The following LTK variants were observed in gnomAD, a reference collection of about 807,000 sequenced individuals.
The protein encoded by LTK is leukocyte tyrosine kinase receptor.
Under a neutral mutation model 101.5 loss-of-function variants are expected in LTK, and 117 were observed. The ratio of observed to expected loss-of-function variants is 1.15; its 90% confidence interval spans 0.99 to 1.34. The LOEUF (loss-of-function observed/expected upper bound fraction) is 1.34, where lower values mean the gene tolerates loss of function less well. Among genes scored for constraint, LTK ranks in the 40% most tolerant of loss-of-function variants. The pLI, the probability that LTK is intolerant of heterozygous loss-of-function variation, is 0.00. For missense variants in LTK, 1,252 were observed against 1,164.7 expected, an observed-to-expected ratio of 1.07 and a Z score of -1.09; for synonymous variants, 563 against 494.2, an observed-to-expected ratio of 1.14 and a Z score of -1.85.
At position 41,504,757 on chromosome 15, in the gene LTK, G is replaced by GGAAGGGGAGGA; in HGVS notation, c.2120+15_2120+16insTCCTCCCCTTC. Reference sequence around the variant, plus strand: ...GAGGGGAACAGTGGGGAAGGGGAGGGGAAGGGTGTTATCACCAGGAATCTG... The same window carrying GGAAGGGGAGGA: ...GAGGGGAACAGTGGGGAAGGGGAGGGGAAGGGGAGGAGAAGGGTGTTATCACCAGGAATCTG... On this transcript the variant is annotated intron_variant, in intron 17 of 19. Transcript: ENST00000263800. 6.2e-7 allele frequency: 1 copy of GGAAGGGGAGGA among 1,607,484 alleles called. No homozygotes were observed. Among genetic ancestry groups the GGAAGGGGAGGA allele is most frequent in the African/African-American group, 1.3e-5 (1 of 75,016 alleles).
chr15:41,511,207 G>A lies in LTK; in HGVS notation c.954C>T (p.Gly318=), dbSNP rs1406676642. ...CTCCGCCCGCAGTGCAGGCCCCGCC[G>A]CCGCCCCCGAAGCCGCCGGCCGCGG... is the stretch of plus-strand genomic sequence containing the variant. ...GWAAAGGFGG[G]GGACTAGGGG... is the part of the protein sequence containing the mutation. Residue 318 remains glycine (G), a synonymous_variant, in exon 7 of 20, where the codon GGC becomes GGT. Coordinates refer to ENST00000263800, the MANE Select transcript of LTK (RefSeq NM_002344.6). The surrounding 1 kb of genome is among the most constrained non-coding windows in gnomAD (Gnocchi z 5.9). 5 of 1,387,628 alleles carry A rather than the reference G, an allele frequency of 3.6e-6. No homozygotes were observed. The highest frequency in any genetic ancestry group is 3.3e-5 in the Admixed American group (1 of 30,330). The allele number at this position is 1,387,628 out of a possible 1,614,324, so 86.0% of individuals were successfully genotyped here.
At position 41,512,117 on chromosome 15, in the gene LTK, C is replaced by T. The variant is rs2051493823; in HGVS notation, c.508G>A (p.Gly170Arg). The change falls in exon 4 of 20, where the codon GGA becomes AGA. Residue 170 changes from glycine to arginine, a missense_variant and splice_region_variant. Coordinates refer to ENST00000263800, the MANE Select transcript of LTK (RefSeq NM_002344.6). ...VGQQGEDACP[G>R]GSPESQLVCL... ...CCATCCCCACTGGCTGCGCTCACTC[C>T]GGGACAGGCGTCCTCTCCCTGCTGC... The T allele has an allele frequency of 3.1e-6, 5 of 1,606,324 alleles. No homozygotes were observed. The highest frequency in any genetic ancestry group is 1.7e-4 in the Middle Eastern group (1 of 6,022).
Position 41,507,175 on chromosome 15 carries a change from C to G in LTK, c.1461G>C (p.Gln487His). ...IRTAPNPYYC[Q>H]VGLGPAQSWP... is the part of the protein sequence containing the mutation. ...AGGACTGGGCCGGGCCAAGCCCCAC[C>G]TGGCAATAATAGGGATTGGGGGCTG... Residue 487 changes from glutamine to histidine, a missense_variant, in exon 11 of 20, where the codon CAG becomes CAC. Coordinates refer to ENST00000263800, the MANE Select transcript of LTK (RefSeq NM_002344.6). The G allele has an allele frequency of 6.2e-7, 1 of 1,613,772 alleles. No homozygotes were observed. The highest frequency in any genetic ancestry group is 8.5e-7 in the Non-Finnish European group (1 of 1,179,934).
chr15:41,511,173 C>A lies in LTK; in HGVS notation c.988G>T (p.Gly330Cys). ...GACTAGGGGG[G>C]YRGGDASETD... ...CCAACGGTGCACCTACCCCTGTAGC[C>A]GCCGCCGCCTCCGCCCGCAGTGCAG... The change falls in exon 7 of 20, where the codon GGC (glycine) becomes TGC (cysteine). Residue 330 changes from glycine to cysteine, a missense_variant. Gly to Cys is a radical substitution (Grantham distance 159). Coordinates refer to ENST00000263800, the MANE Select transcript of LTK (RefSeq NM_002344.6). This position sits in a 1 kb window ranked among gnomAD's most constrained non-coding sequence, Gnocchi z 5.9. 7.2e-7 allele frequency: 1 copy of A among 1,388,626 alleles called. No homozygotes were observed. 86.0% of individuals were successfully genotyped at this position (1,388,626 alleles called of 1,614,324 possible). A position where few individuals can be genotyped will look rare whatever the true frequency, so the allele number is the denominator to read the frequency against.
chr15:41,507,702 T>C, intron 9 of LTK, 45 bp from the exon 10 acceptor site: 1 of 1,562,680 alleles, frequency 6.4e-7, no homozygotes, highest in Non-Finnish European at 8.7e-7. Context: ...TCTTCTCTGT[T>C]CCTTTACCCT....
Position 41,507,219 on chromosome 15 carries a change from G to T in LTK, c.1417C>A (p.Arg473=), listed in dbSNP as rs770047590. The T allele has an allele frequency of 6.2e-7, 1 of 1,613,554 alleles. No homozygotes were observed. Among genetic ancestry groups the T allele is most frequent in the East Asian group, 2.2e-5 (1 of 44,878 alleles). ...GGGGCTGTCCTGATGGCAGAGGTTC[G>T]AAGCTTGCTCAGCTCAAGCTCAGGG... ...PSPELELSKL[R]TSAIRTAPNP... The change falls in exon 11 of 20, where the codon CGA becomes AGA. Residue 473 remains arginine, a synonymous_variant. Coordinates refer to ENST00000263800, the MANE Select transcript of LTK (RefSeq NM_002344.6).
At chr15:41,506,047 G>A (rs2051270896) in intron 11 of LTK, 42 bp from the exon 12 acceptor site, 3 of 1,388,886 alleles carry the variant, frequency 2.2e-6, no homozygotes, top group South Asian at 1.2e-5. Flanking sequence ...AGGCGGCCTG[G>A]AGAAGAGTCC....
In LTK at chr15:41,509,074, G is replaced by T; in HGVS notation, c.1053C>A (p.Ser351=). ...NLWADGEDGV[S]FIHPSSELFL... ...AGAGCTCGCTGCTGGGGTGTATGAAGGATACTCCATCTTCCCCATCAGCCC... is the reference window on the plus strand; with the variant it reads ...AGAGCTCGCTGCTGGGGTGTATGAATGATACTCCATCTTCCCCATCAGCCC... Residue 351 remains serine (S), a synonymous_variant, in exon 8 of 20, where the codon TCC becomes TCA. Transcript: ENST00000263800. The T allele has an allele frequency of 6.2e-7, 1 of 1,613,876 alleles. No homozygotes were observed. The highest frequency in any genetic ancestry group is 1.1e-5 in the South Asian group (1 of 91,058).
Position 41,511,688 on chromosome 15 carries a change from CCCAGCCCAGG to C in LTK, c.657+119_658-111del, listed in dbSNP as rs750890083. ...CCTGGATAAGGGCAGGGGCCCCCAG[CCCAGCCCAGG>C]CCAGCCCAGCCCAGCGCAGGGATAG... On this transcript the variant is annotated intron_variant, in intron 5 of 19. Transcript: ENST00000263800. This position sits in a 1 kb window ranked among gnomAD's most constrained non-coding sequence, Gnocchi z 5.9. 6.1e-3 allele frequency: 8,591 copies of C among 1,415,904 alleles called. 35 individuals carry two copies. Among genetic ancestry groups the C allele is most frequent in the Non-Finnish European group, 6.7e-3 (7,354 of 1,094,090 alleles). 87.7% of individuals were successfully genotyped at this position (1,415,904 alleles called of 1,614,324 possible).
intron 19 of LTK, 47 bp downstream of exon 19, chr15:41,504,295 C>A (rs752324799): frequency 2.0e-5 from 33 of 1,610,406 alleles, no homozygotes; most frequent in Non-Finnish European, 2.7e-5. Flanking sequence ...TCTGGCCCTC[C>A]CTCCTGACCC....
rs55739813 is a variant in LTK, at chr15:41,511,556, G to C, written c.680C>G (p.Pro227Arg). ...VFRVRAGELEPLLVAAGGGGR... is the reference protein window; with the variant it reads ...VFRVRAGELERLLVAAGGGGR... ...GCCGCCTCCGGCCGCCACCAGCAAC[G>C]GTTCCAGCTCGCCAGCGCGCACCTG... Residue 227 changes from proline (P) to arginine (R), a missense_variant, in exon 6 of 20, where the codon CCG becomes CGG. Coordinates refer to ENST00000263800, the MANE Select transcript of LTK (RefSeq NM_002344.6). This position sits in a 1 kb window ranked among gnomAD's most constrained non-coding sequence, Gnocchi z 5.9. 6.9e-7 allele frequency: 1 copy of C among 1,450,814 alleles called. No homozygotes were observed. Among genetic ancestry groups the C allele is most frequent in the Non-Finnish European group, 9.0e-7 (1 of 1,113,462 alleles). 89.9% of individuals were successfully genotyped at this position (1,450,814 alleles called of 1,614,324 possible).
Position 41,508,071 on chromosome 15 carries a change from A to AT in LTK, c.1246dup (p.Met416AsnfsTer51). The AT allele has an allele frequency of 1.1e-5, 18 of 1,601,952 alleles. No individual in the cohort carries two copies. The highest frequency in any genetic ancestry group is 1.5e-5 in the Non-Finnish European group (18 of 1,174,074). On this transcript the variant is annotated frameshift_variant, in exon 9 of 20. Coordinates refer to ENST00000263800, the MANE Select transcript of LTK (RefSeq NM_002344.6). LOFTEE classifies it high-confidence loss of function. Reference sequence around the variant, plus strand: ...CCTTGGGCAAAGGTAGGACATACCCATGCAGGTGACGTTATCCACAGCTAG... The same window carrying AT: ...CCTTGGGCAAAGGTAGGACATACCCATTGCAGGTGACGTTATCCACAGCTAG...
intron 10 of LTK, 35 bp downstream of exon 10, chr15:41,507,527 C>A (rs1319344107): frequency 1.9e-6 from 3 of 1,607,366 alleles, no homozygotes; most frequent in Non-Finnish European, 2.5e-6. Context: ...AGAGGAGCAG[C>A]CTTGAATCAA....
intron 11 of LTK, 93 bp from the exon 12 acceptor site, chr15:41,506,098 A>G: frequency 1.3e-6 from 1 of 781,628 alleles, no homozygotes; most frequent in Non-Finnish European, 2.2e-6. Flanking sequence ...TGCCCCTGCC[A>G]TATGCCCAGC....
rs1286061978 is a variant in LTK, at chr15:41,513,071, G to A, written c.93C>T (p.Ser31=). 2 of 1,611,428 alleles carry A rather than the reference G, an allele frequency of 1.2e-6. No individual in the cohort carries two copies. Among genetic ancestry groups the A allele is most frequent in the East Asian group, 2.2e-5 (1 of 44,828 alleles). The change falls in exon 2 of 20, where the codon TCC becomes TCT. Residue 31 remains serine (S), a synonymous_variant. Coordinates refer to ENST00000263800, the MANE Select transcript of LTK (RefSeq NM_002344.6). ...SPGSQETFLR[S]SPLPLASPSP... ...TGGGACTTGCCAGCGGCAGGGGCGAGGACCGCAGAAAAGTCTCCTGGGACC... is the reference window on the plus strand; with the variant it reads ...TGGGACTTGCCAGCGGCAGGGGCGAAGACCGCAGAAAAGTCTCCTGGGACC...
Position 41,506,054 on chromosome 15 carries a change from G to C in LTK, c.1542-49C>G, listed in dbSNP as rs374425455. 39 of 1,257,610 alleles carry C rather than the reference G, an allele frequency of 3.1e-5. No homozygotes were observed. The African/African-American group carries it at 3.2e-4, about 10-fold the overall frequency. 77.9% of individuals were successfully genotyped at this position (1,257,610 alleles called of 1,614,324 possible). A position where few individuals can be genotyped will look rare whatever the true frequency, so the allele number is the denominator to read the frequency against. On this transcript the variant is annotated intron_variant, in intron 11 of 19. Coordinates refer to ENST00000263800, the MANE Select transcript of LTK (RefSeq NM_002344.6). ...GAGTGGGCAGGCGGCCTGGAGAAGA[G>C]TCCTAGAGAGTCTAGTACCCCCTTT... is the stretch of plus-strand genomic sequence containing the variant.
At position 41,505,761 on chromosome 15, in the gene LTK, CAG is replaced by C. The variant is rs1196541359; in HGVS notation, c.1647_1648del (p.Cys550LeufsTer5). The C allele has an allele frequency of 6.2e-7, 1 of 1,613,816 alleles. No homozygotes were observed. Among genetic ancestry groups the C allele is most frequent in the Non-Finnish European group, 8.5e-7 (1 of 1,179,950 alleles). On this transcript the variant is annotated frameshift_variant, in exon 13 of 20. Coordinates refer to ENST00000263800, the MANE Select transcript of LTK (RefSeq NM_002344.6). LOFTEE classifies it high-confidence loss of function. Reference sequence around the variant, plus strand: ...GAAATCCAGCTCATCCTGAGGCGAGCAGAGTTCTGGCAGGGTCTGGGGAGGAA... The same window carrying C: ...GAAATCCAGCTCATCCTGAGGCGAGCAGTTCTGGCAGGGTCTGGGGAGGAA...
At chr15:41,504,466 G>C (rs774764369) in intron 18 of LTK, 34 bp from the exon 19 acceptor site, 2 of 1,613,906 alleles carry the variant, frequency 1.2e-6, no homozygotes, top group Non-Finnish European at 1.7e-6. Flanking sequence ...CCCACCCATG[G>C]TTGTGAAGGA....
intron 7 of LTK, among the ~76,000 whole-genome samples, chr15:41,509,448 C>T (rs1366039532): frequency 2.6e-5 from 4 of 152,214 alleles, no homozygotes; most frequent in African/African-American, 7.2e-5. Flanking sequence ...AAGGCATTTA[C>T]ACTAGTTATT....
Sources: gnomAD v4.1 joint callset for allele counts (sites outside exome capture counted in the v4.1 genomes callset) on GRCh38, gnomAD v4.1.1 for gene constraint, Gnocchi (gnomAD v3.1) non-coding constraint, MANE v1.5 for transcripts, NCBI Gene and HGNC (gene_info 2026-07-23, HGNC 2026-07-21) for gene names.